Variants in PRRT1B observed in about 807,000 individuals in gnomAD.
PRRT1B encodes the protein proline rich transmembrane protein 1B.
intron 1 of PRRT1B, among the ~76,000 whole-genome samples, chr9:131,550,900 T>G (rs1481733950): frequency 6.6e-6 from 1 of 151,726 alleles, no homozygotes; most frequent in Admixed American, 6.6e-5. Context: ...TATTCGGACC[T>G]TGTGTCTTCC....
At chr9:131,557,957 A>G (rs1053665611) in intron 3 of PRRT1B, 96 bp from the exon 4 acceptor site, 1 of 397,694 alleles carries the variant, frequency 2.5e-6, no homozygotes, top group Non-Finnish European at 4.4e-6. Context: ...TCAGTTTCTC[A>G]GTTTGTGGAA....
At chr9:131,546,259 C>T (rs1950973842) in intron 1 of PRRT1B, among the ~76,000 whole-genome samples, 1 of 152,098 alleles carries the variant, frequency 6.6e-6, no homozygotes, top group South Asian at 2.1e-4. Flanking sequence ...AGAGACCCCA[C>T]GGGCTAATTC....
intron 1 of PRRT1B, among the ~76,000 whole-genome samples, chr9:131,552,834 G>A (rs1315480946): frequency 1.5e-5 from 2 of 136,432 alleles, no homozygotes; most frequent in African/African-American, 2.8e-5. Flanking sequence ...TGCCACACCT[G>A]GTTAATTTTT....
At chr9:131,546,341 G>A (rs2132004975) in intron 1 of PRRT1B, among the ~76,000 whole-genome samples, 1 of 152,270 alleles carries the variant, frequency 6.6e-6, no homozygotes, top group Non-Finnish European at 1.5e-5. Flanking sequence ...GCGCGGACGC[G>A]GGTGGGATCC....
At chr9:131,557,849 G>A (rs1156948862) in intron 3 of PRRT1B, among the ~76,000 whole-genome samples, 1 of 152,268 alleles carries the variant, frequency 6.6e-6, no homozygotes, top group Non-Finnish European at 1.5e-5. Context: ...TGTCAGTGCT[G>A]AGCGTGACAA....
exon 1 of PRRT1B, chr9:131,545,567 G>T (rs1950967591): frequency 2.5e-6 from 1 of 397,216 alleles, no homozygotes; most frequent in Non-Finnish European, 4.4e-6. Flanking sequence ...GACGGCAGGC[G>T]CCGGGCCAGG....
chr9:131,555,233 G>C (rs1373538130), intron 2 of PRRT1B, among the ~76,000 whole-genome samples: 1 of 152,206 alleles, frequency 6.6e-6, no homozygotes, highest in Admixed American at 6.5e-5. Flanking sequence ...CCTGGACAGA[G>C]GACACCGCAC....
chr9:131,545,604 C>T, exon 1 of PRRT1B: 2 of 394,828 alleles, frequency 5.1e-6, no homozygotes, highest in Non-Finnish European at 8.9e-6. Flanking sequence ...GCAGCCGCCG[C>T]GGGCTCGGAC....
At chr9:131,557,184 G>C (rs80299538) in intron 3 of PRRT1B, among the ~76,000 whole-genome samples, 11,363 of 151,820 alleles carry the variant, frequency 0.075, 1,309 homozygotes, top group African/African-American at 0.25. Flanking sequence ...TCCCTCTATC[G>C]ATTCATCTAT....
At chr9:131,557,164 C>T (rs950547240) in intron 3 of PRRT1B, among the ~76,000 whole-genome samples, 2 of 152,178 alleles carry the variant, frequency 1.3e-5, no homozygotes, top group Non-Finnish European at 2.9e-5. Context: ...TCCATCCATC[C>T]ACTCACCCAT....
intron 3 of PRRT1B, among the ~76,000 whole-genome samples, chr9:131,557,490 A>G (rs1951058071): frequency 6.6e-6 from 1 of 152,210 alleles, no homozygotes; most frequent in African/African-American, 2.4e-5. Flanking sequence ...GTGAGCTGAG[A>G]TCGCACCACT....
downstream of PRRT1B, among the ~76,000 whole-genome samples, chr9:131,558,905 G>A (rs73660026): frequency 0.025 from 3,746 of 152,322 alleles, 158 homozygotes; most frequent in African/African-American, 0.085. Flanking sequence ...TTGGGCTCCA[G>A]GGCACCCTAC....
chr9:131,558,201 G>A, exon 4 of PRRT1B: 2 of 401,056 alleles, frequency 5.0e-6, no homozygotes, highest in Non-Finnish European at 8.8e-6. Context: ...TACCTTCCCT[G>A]AGGCTGTGGC....
At position 131,545,642 on chromosome 9, in the gene PRRT1B, T is replaced by A. The variant is rs145205527; in HGVS notation, c.25+2T>A. 539 of 390,344 alleles carry A rather than the reference T, an allele frequency of 1.4e-3. 1 individual carries two copies. The highest frequency in any genetic ancestry group is 0.011 in the African/African-American group (455 of 40,898). 24.2% of individuals were successfully genotyped at this position (390,344 alleles called of 1,614,324 possible). On this transcript the variant is annotated splice_donor_variant, in intron 1 of 3. Transcript: ENST00000636672. LOFTEE classifies it high-confidence loss of function. ...TGGAGGCAGGAGCTGGAGGGGCAGG[T>A]GCCGGAGGGGCAGGTGCTGGTGGGA...
chr9:131,555,823 C>T (rs1389624481), intron 2 of PRRT1B, among the ~76,000 whole-genome samples: 2 of 152,178 alleles, frequency 1.3e-5, no homozygotes, highest in Non-Finnish European at 2.9e-5. Flanking sequence ...CTCGACTGAG[C>T]CAATGGTAGA....
intron 1 of PRRT1B, among the ~76,000 whole-genome samples, chr9:131,549,140 C>A (rs191753084): frequency 6.6e-6 from 1 of 152,144 alleles, no homozygotes; most frequent in Non-Finnish European, 1.5e-5. Context: ...AATTAAATTC[C>A]GGCCCTCAAA....
In PRRT1B at chr9:131,551,592, G is replaced by A. The variant is rs4740274; in HGVS notation, c.26-2965G>A. ...CTGTGACCTGCATGTACACATCCAG[G>A]TGGCCGGTTCCTGCCTTAACTGATG... On this transcript the variant is annotated intron_variant, in intron 1 of 3. Coordinates refer to ENST00000636672, the Ensembl canonical transcript of PRRT1B. This position sits in a 1 kb window ranked among gnomAD's most constrained non-coding sequence, Gnocchi z 4.4. 0.57 allele frequency among the ~76,000 whole-genome samples: 86,178 copies of A among 151,466 alleles called. 24,922 individuals carry two copies. Among genetic ancestry groups the A allele is most frequent in the African/African-American group, 0.68 (27,978 of 41,302 alleles).
At chr9:131,555,028 T>C (rs149381252) in exon 2 of PRRT1B, 24,727 of 391,084 alleles carry the variant, frequency 0.063, 1,063 homozygotes, top group Middle Eastern at 0.18. Context: ...CCCTTCCCCG[T>C]GGTGAGTGGC....
At chr9:131,552,761 C>T (rs992865776) in intron 1 of PRRT1B, among the ~76,000 whole-genome samples, 4 of 151,274 alleles carry the variant, frequency 2.6e-5, no homozygotes, top group African/African-American at 9.7e-5. Context: ...CAACCTTCAC[C>T]TCTGGGGCTT....
Sources: gnomAD v4.1 joint callset for allele counts (sites outside exome capture counted in the v4.1 genomes callset) on GRCh38, gnomAD v4.1.1 for gene constraint, Gnocchi (gnomAD v3.1) non-coding constraint, MANE v1.5 for transcripts, NCBI Gene and HGNC (gene_info 2026-07-23, HGNC 2026-07-21) for gene names.